The following TLE3 variants were observed in gnomAD, a reference collection of about 807,000 sequenced individuals.
The protein encoded by TLE3 is transducin-like enhancer protein 3.
In TLE3, 14 loss-of-function variants were observed where a neutral mutation model predicts 93.0. That is an observed-to-expected ratio of 0.15 (90% confidence interval 0.10 to 0.24). The LOEUF is 0.24. Ranked by LOEUF, TLE3 falls within the 10% of genes least tolerant of loss-of-function variation. The pLI is 1.00. For missense variants in TLE3, 693 were observed against 1,046.6 expected, an observed-to-expected ratio of 0.66 and a Z score of 4.66; for synonymous variants, 451 against 425.0, an observed-to-expected ratio of 1.06 and a Z score of -0.75.
chr15:70,051,580 T>C (rs1011824450), intron 18 of TLE3, 113 bp from the exon 19 acceptor site: 8 of 671,974 alleles, frequency 1.2e-5, no homozygotes, highest in African/African-American at 7.8e-5. Flanking sequence ...TGCTAACTAG[T>C]ATAACTCTCC....
At chr15:70,084,612 G>C (rs370421050) in intron 4 of TLE3, among the ~76,000 whole-genome samples, 11 of 152,326 alleles carry the variant, frequency 7.2e-5, no homozygotes, top group Admixed American at 3.3e-4. Context: ...TGAGGTCCAC[G>C]AGGGAAGCAG....
intron 17 of TLE3, 67 bp from the exon 18 acceptor site, chr15:70,052,591 C>G: frequency 6.5e-7 from 1 of 1,535,246 alleles, no homozygotes; most frequent in African/African-American, 1.4e-5. Flanking sequence ...AGGGCGGCTC[C>G]CAAAGGTGCT....
At chr15:70,062,904 T>C (rs1006899142) in intron 8 of TLE3, among the ~76,000 whole-genome samples, 3 of 152,060 alleles carry the variant, frequency 2.0e-5, no homozygotes, top group Admixed American at 6.5e-5. Context: ...TCAGCGAGCA[T>C]GGTAAACAGC....
rs868200671 is a variant in TLE3 at position 70,096,180 on chromosome 15, G to A, written c.106C>T (p.Leu36=). ...CCTTACCTGTGATACTGAGCTTGCA[G>A]GAACTGGAATTCGTCTTTGATCCTG... The part of the protein sequence containing the change: ...CDRIKDEFQF[L]QAQYHSLKVE... Residue 36 remains leucine (L), a synonymous_variant, in exon 2 of 20, where the codon CTG becomes TTG. Transcript: ENST00000451782. 27 of 1,558,920 alleles carry A rather than the reference G, an allele frequency of 1.7e-5. No homozygotes were observed. Among genetic ancestry groups the A allele is most frequent in the Non-Finnish European group, 2.3e-5 (26 of 1,151,172 alleles).
At chr15:70,096,288 G>A (rs1398785752) in intron 1 of TLE3, 27 bp from the exon 2 acceptor site, 8 of 1,549,988 alleles carry the variant, frequency 5.2e-6, no homozygotes, top group Admixed American at 2.0e-5. Context: ...CAAGACAGGG[G>A]AGGGGGCGGG....
chr15:70,095,648 G>C lies in TLE3; in HGVS notation c.126-7C>G, dbSNP rs1393955585. 6.4e-7 allele frequency: 1 copy of C among 1,551,312 alleles called. No homozygotes were observed. On this transcript the variant is annotated splice_polypyrimidine_tract_variant and splice_region_variant and intron_variant, in intron 2 of 19. Coordinates refer to ENST00000451782, the MANE Select transcript of TLE3 (RefSeq NM_001105192.3). ...GTCGTACTCCACTTTGAGGCTGCGAGGGCAGGAGGAGCCGGCTCAGGCGTG... is the reference window on the plus strand; with the variant it reads ...GTCGTACTCCACTTTGAGGCTGCGACGGCAGGAGGAGCCGGCTCAGGCGTG...
At chr15:70,077,637 G>A (rs1302425673) in intron 4 of TLE3, among the ~76,000 whole-genome samples, 1 of 152,214 alleles carries the variant, frequency 6.6e-6, no homozygotes, top group South Asian at 2.1e-4. Flanking sequence ...TTGCAGGCCT[G>A]TGTCCTGGGC....
Position 70,055,295 on chromosome 15 carries a change from C to G in TLE3, c.1332G>C (p.Ala444=), listed in dbSNP as rs556568122. The change falls in exon 15 of 20, where the codon GCG becomes GCC. Residue 444 remains alanine (A), a synonymous_variant. Coordinates refer to ENST00000451782, the MANE Select transcript of TLE3 (RefSeq NM_001105192.3). The part of the protein sequence containing the change: ...SLASIPGGKP[A]YSFHVSADGQ... ...CATCAGCACTCACATGGAATGAGTA[C>G]GCTCTGAAAAGGTGAGAAACCGTCA... The G allele has an allele frequency of 6.4e-7, 1 of 1,569,920 alleles. No homozygotes were observed. The highest frequency in any genetic ancestry group is 1.2e-5 in the South Asian group (1 of 84,952).
rs932744956 is a variant in TLE3, at chr15:70,051,521, C to T, written c.2126-54G>A. The T allele has an allele frequency of 2.2e-5, 33 of 1,496,526 alleles. No individual in the cohort carries two copies. The African/African-American group carries it at 2.4e-4, about 11-fold the overall frequency. 92.7% of individuals were successfully genotyped at this position (1,496,526 alleles called of 1,614,324 possible). A position where few individuals can be genotyped will look rare whatever the true frequency, so the allele number is the denominator to read the frequency against. On this transcript the variant is annotated intron_variant, in intron 18 of 19. Coordinates refer to ENST00000451782, the MANE Select transcript of TLE3 (RefSeq NM_001105192.3). The stretch of plus-strand genomic sequence containing the variant: ...GGTTGTAGCTCACTGCCCTCTAAAG[C>T]AAGACCTGCCCTAGACATGGCCAGC...
chr15:70,054,751 T>A, intron 15 of TLE3, 66 bp from the exon 16 acceptor site: 1 of 1,481,968 alleles, frequency 6.7e-7, no homozygotes, highest in Non-Finnish European at 9.0e-7. Context: ...GAGAGTCCTG[T>A]CCAGCAACAC....
chr15:70,075,552 A>C lies in TLE3; in HGVS notation c.297+544T>G, dbSNP rs528019496. 2.1e-3 allele frequency among the ~76,000 whole-genome samples: 313 copies of C among 152,330 alleles called. 2 individuals are homozygous for C. Among genetic ancestry groups the C allele is most frequent in the African/African-American group, 6.9e-3 (286 of 41,568 alleles). ...AGAGGGCAGGGCCTGCCCTGGCTGG[A>C]GTGAAATCAGAGGACAGAAACAGAG... is the stretch of plus-strand genomic sequence containing the variant. On this transcript the variant is annotated intron_variant, in intron 5 of 19. Transcript: ENST00000451782.
At chr15:70,094,794 G>A (rs2058470884) in intron 3 of TLE3, 6 of 538,558 alleles carry the variant, frequency 1.1e-5, no homozygotes, top group South Asian at 1.0e-4. Flanking sequence ...TTATGTGGTA[G>A]TAAGGGGAGC....
In TLE3 at chr15:70,058,427, C is replaced by T; in HGVS notation, c.919-136G>A. On this transcript the variant is annotated intron_variant, in intron 11 of 19. Transcript: ENST00000451782. The surrounding 1 kb of genome is among the most constrained non-coding windows in gnomAD (Gnocchi z 4.1). ...AGCTTCTGCCGAACAGCCTCTCAAT[C>T]CTTGCCCAACCTTGTTTGGCAGGGA... The T allele has an allele frequency of 7.0e-7, 1 of 1,422,788 alleles. No homozygotes were observed. 88.1% of individuals were successfully genotyped at this position (1,422,788 alleles called of 1,614,324 possible).
chr15:70,063,958 C>T (rs1414717744), intron 8 of TLE3, among the ~76,000 whole-genome samples: 1 of 152,166 alleles, frequency 6.6e-6, no homozygotes, highest in Non-Finnish European at 1.5e-5. Context: ...AAAACCTTGG[C>T]CCTGAACATG....
chr15:70,054,222 G>C, intron 16 of TLE3: 1 of 569,808 alleles, frequency 1.8e-6, no homozygotes, highest in Non-Finnish European at 2.9e-6. Flanking sequence ...TTTCTTCCCA[G>C]AGCCCTCTCC....
At chr15:70,077,530 G>A (rs2057507386) in intron 4 of TLE3, among the ~76,000 whole-genome samples, 1 of 152,178 alleles carries the variant, frequency 6.6e-6, no homozygotes, top group Non-Finnish European at 1.5e-5. Flanking sequence ...AGAATTCCTT[G>A]GGCTAACACC....
At chr15:70,062,808 C>T (rs1052136517) in intron 8 of TLE3, among the ~76,000 whole-genome samples, 6 of 152,224 alleles carry the variant, frequency 3.9e-5, no homozygotes, top group South Asian at 2.1e-4. Context: ...CGCACAGCCT[C>T]GGCCCTGCCC....
intron 3 of TLE3, chr15:70,095,256 T>C: frequency 8.1e-7 from 1 of 1,233,738 alleles, no homozygotes; most frequent in South Asian, 1.8e-5. Flanking sequence ...CAATCCTATC[T>C]TACTAGCCAA....
rs767736026 is a variant in TLE3, at chr15:70,064,464, T to G, written c.584A>C (p.Glu195Ala). The G allele has an allele frequency of 6.2e-6, 10 of 1,613,728 alleles. No individual in the cohort carries two copies. Among genetic ancestry groups the G allele is most frequent in the Admixed American group, 1.7e-5 (1 of 59,990 alleles). The part of the protein sequence containing the change: ...NHHELDHRER[E>A]SSANNSVSPS... ...AGTGCCAACACTTACCGCACTGGATTCTCTCTCTTTGGGGAAAGAAGGCCA... is the reference window on the plus strand; with the variant it reads ...AGTGCCAACACTTACCGCACTGGATGCTCTCTCTTTGGGGAAAGAAGGCCA... Residue 195 changes from glutamate (E) to alanine (A), a missense_variant, in exon 8 of 20, where the codon GAA becomes GCA. By Grantham distance (107) the Glu-to-Ala change is moderately radical (BLOSUM62 -1). This residue lies in a region of TLE3 where 405 missense variants were observed against 468.9 expected (regional missense o/e 0.86). Transcript: ENST00000451782.
Sources: gnomAD v4.1 joint callset for allele counts (sites outside exome capture counted in the v4.1 genomes callset) on GRCh38, gnomAD v4.1.1 for gene constraint, gnomAD v4.1.1 regional missense constraint, Gnocchi (gnomAD v3.1) non-coding constraint, MANE v1.5 for transcripts, NCBI Gene and HGNC (gene_info 2026-07-23, HGNC 2026-07-21) for gene names.